ZNF677: variants seen among roughly 807,000 people sequenced by gnomAD.
The protein encoded by ZNF677 is hypothetical protein MGC48625.
Under a neutral mutation model 8.1 loss-of-function variants are expected in ZNF677, and 5 were observed. The ratio of observed to expected loss-of-function variants is 0.62; its 90% confidence interval spans 0.32 to 1.29. The LOEUF (loss-of-function observed/expected upper bound fraction) is 1.29. ZNF677 is among the 50% of genes most tolerant of loss of function. The pLI is 0.05. For synonymous variants in ZNF677, 221 were observed against 225.6 expected (o/e 0.98, Z 0.18); for missense variants, 685 against 685.9 (o/e 1.00, Z 0.01).
intron 3 of ZNF677, among the ~76,000 whole-genome samples, chr19:53,250,621 G>A (rs2091219494): frequency 6.6e-6 from 1 of 152,156 alleles, no homozygotes; most frequent in Non-Finnish European, 1.5e-5. Context: ...GCTAAATTAT[G>A]AGAACACATG....
Position 53,251,595 on chromosome 19 carries a change from G to A in ZNF677, c.-45C>T. 6.2e-7 allele frequency: 1 copy of A among 1,612,576 alleles called. No homozygotes were observed. The highest frequency in any genetic ancestry group is 2.2e-5 in the East Asian group (1 of 44,786). On this transcript the variant is annotated 5_prime_UTR_variant, in exon 3 of 5. Transcript: ENST00000598513. ...CCTCTTCCTCTGAGTTTCTTTCTCA[G>A]GTAAGTCAGTCTGTATGTCAAAAAT...
At chr19:53,246,077 A>G (rs4803074) in intron 3 of ZNF677, among the ~76,000 whole-genome samples, 111,215 of 151,266 alleles carry the variant, frequency 0.74, 41,380 homozygotes, top group African/African-American at 0.85. Context: ...CCAGCACTTC[A>G]GAAGGCCAAG....
At chr19:53,246,400 A>C (rs1453893615) in intron 3 of ZNF677, among the ~76,000 whole-genome samples, 1 of 151,966 alleles carries the variant, frequency 6.6e-6, no homozygotes, top group Non-Finnish European at 1.5e-5. Flanking sequence ...GAAGAGAGAT[A>C]GGTACTTCCA....
At chr19:53,246,268 A>C (rs2091137240) in intron 3 of ZNF677, among the ~76,000 whole-genome samples, 1 of 140,220 alleles carries the variant, frequency 7.1e-6, no homozygotes, top group South Asian at 2.4e-4. Context: ...CAGTGAGCCA[A>C]GATCGCGCCA....
intron 1 of ZNF677, among the ~76,000 whole-genome samples, chr19:53,253,616 G>A (rs1200869518): frequency 1.3e-5 from 2 of 152,160 alleles, no homozygotes; most frequent in African/African-American, 2.4e-5. Flanking sequence ...GAACCCTGGA[G>A]GCGGAGGTTG....
intron 3 of ZNF677, among the ~76,000 whole-genome samples, chr19:53,247,851 T>C (rs921452518): frequency 1.3e-5 from 2 of 152,190 alleles, no homozygotes; most frequent in Non-Finnish European, 2.9e-5. Context: ...CTTTCCAGGC[T>C]ATTTGTGTTT....
intron 3 of ZNF677, among the ~76,000 whole-genome samples, chr19:53,245,825 A>G (rs10419020): frequency 0.28 from 42,137 of 151,772 alleles, 6,460 homozygotes; most frequent in African/African-American, 0.39. Flanking sequence ...CAGCCTGGCC[A>G]ACATGGTGAA....
chr19:53,239,556 T>G (rs1365443111), intron 4 of ZNF677: 2 of 151,986 alleles, frequency 1.3e-5, no homozygotes, highest in African/African-American at 4.8e-5. Context: ...TAATGAAAGC[T>G]GTGTGCTTTA....
intron 1 of ZNF677, among the ~76,000 whole-genome samples, chr19:53,254,226 A>AT (rs957270898): frequency 4.7e-5 from 7 of 150,482 alleles, no homozygotes; most frequent in African/African-American, 7.3e-5. Flanking sequence ...CCATTATGTG[A>AT]TTTTTTTCCC....
intron 1 of ZNF677, among the ~76,000 whole-genome samples, chr19:53,253,881 T>C (rs185929711): frequency 1.2e-3 from 181 of 152,260 alleles, no homozygotes; most frequent in African/African-American, 4.1e-3. Flanking sequence ...GAGGGAATAA[T>C]ATTGTTAATG....
chr19:53,250,498 T>TA (rs1289486379), intron 3 of ZNF677, among the ~76,000 whole-genome samples: 1 of 152,048 alleles, frequency 6.6e-6, no homozygotes, highest in African/African-American at 2.4e-5. Context: ...TATGTAGCCA[T>TA]AAAAAAAGAG....
rs758075657 is a variant in ZNF677, at chr19:53,237,932, A to G, written c.795T>C (p.Cys265=). 4.3e-6 allele frequency: 7 copies of G among 1,612,480 alleles called. 1 individual carries two copies. The South Asian group carries it at 7.7e-5, about 18-fold the overall frequency. ...RTHIREKSYK[C]NDCGKAFSKS... ...TGCTAAAAGCCTTTCCACAGTCATT[A>G]CACTTGTATGATTTTTCTCTAATGT... The change falls in exon 5 of 5, where the codon TGT becomes TGC. Residue 265 remains cysteine, a synonymous_variant. Coordinates refer to ENST00000598513, the MANE Select transcript of ZNF677 (RefSeq NM_182609.4).
At chr19:53,245,146 G>A (rs11882016) in intron 3 of ZNF677, among the ~76,000 whole-genome samples, 2,151 of 152,142 alleles carry the variant, frequency 0.014, 61 homozygotes, top group African/African-American at 0.049. Context: ...TTTACCTTGC[G>A]TCTTTAGTTT....
chr19:53,242,202 G>A, intron 4 of ZNF677: 1 of 397,714 alleles, frequency 2.5e-6, no homozygotes, highest in Non-Finnish European at 4.4e-6. Context: ...AAAGTGCTGG[G>A]ATTATAGGCG....
At chr19:53,254,802 C>G (rs1279808469) in intron 1 of ZNF677, 32 bp downstream of exon 1, 1 of 152,606 alleles carries the variant, frequency 6.6e-6, no homozygotes, top group Non-Finnish European at 1.5e-5. Flanking sequence ...GCCCGCGAGG[C>G]GCAGGCTTGA....
rs773328494 is a variant in ZNF677 at position 53,236,951 on chromosome 19, T to C, written c.*21A>G. On this transcript the variant is annotated 3_prime_UTR_variant, in exon 5 of 5. Coordinates refer to ENST00000598513, the MANE Select transcript of ZNF677 (RefSeq NM_182609.4). The stretch of plus-strand genomic sequence containing the variant: ...ACATTTTCGTTTTATATGGTTTCTT[T>C]TCACAATGGAGCCCCTGATGCTAGG... The C allele has an allele frequency of 1.3e-6, 2 of 1,520,356 alleles. No individual in the cohort carries two copies. 94.2% of individuals were successfully genotyped at this position (1,520,356 alleles called of 1,614,324 possible). A position where few individuals can be genotyped will look rare whatever the true frequency, so the allele number is the denominator to read the frequency against.
In ZNF677 at chr19:53,238,014, T is replaced by C; in HGVS notation, c.713A>G (p.Asn238Ser). 7 of 1,613,768 alleles carry C rather than the reference T, an allele frequency of 4.3e-6. No individual in the cohort carries two copies. Among genetic ancestry groups the C allele is most frequent in the Non-Finnish European group, 5.9e-6 (7 of 1,179,910 alleles). ...GTATTTCAAAATCTTCCTATATTTATTACAAATGTTTTTGACACAAGGAGG... is the reference window on the plus strand; with the variant it reads ...GTATTTCAAAATCTTCCTATATTTACTACAAATGTTTTTGACACAAGGAGG... ...PLPPCVKNIC[N>S]KYRKILKYPL... Residue 238 changes from asparagine to serine, a missense_variant, in exon 5 of 5, where the codon AAT becomes AGT. Physicochemically the swap from Asn to Ser is conservative, Grantham distance 46. Coordinates refer to ENST00000598513, the MANE Select transcript of ZNF677 (RefSeq NM_182609.4).
At chr19:53,246,064 A>T (rs1228667678) in intron 3 of ZNF677, among the ~76,000 whole-genome samples, 2 of 152,020 alleles carry the variant, frequency 1.3e-5, no homozygotes, top group East Asian at 3.9e-4. Flanking sequence ...CACGCCTGTA[A>T]TCCCAGCACT....
Position 53,251,560 on chromosome 19 carries a change from T to C in ZNF677, c.-10A>G, listed in dbSNP as rs779531765. On this transcript the variant is annotated 5_prime_UTR_variant, in exon 3 of 5. Transcript: ENST00000598513. ...CCTGAGAAAGAGCCATTCCCTCCTC[T>C]TCTTTCTTTCCTCTTCCTCTGAGTT... 4 of 1,613,800 alleles carry C rather than the reference T, an allele frequency of 2.5e-6. No homozygotes were observed. The highest frequency in any genetic ancestry group is 2.2e-5 in the South Asian group (2 of 91,070).
Sources: gnomAD v4.1 joint callset for allele counts (sites outside exome capture counted in the v4.1 genomes callset) on GRCh38, gnomAD v4.1.1 for gene constraint, MANE v1.5 for transcripts, NCBI Gene and HGNC (gene_info 2026-07-23, HGNC 2026-07-21) for gene names.